The following MYO16 variants were observed in gnomAD, a reference collection of about 807,000 sequenced individuals.
MYO16 encodes myosin XVI, also known as unconventional myosin-XVI.
A neutral mutation model predicts 205.3 loss-of-function variants in MYO16; 94 were observed. The observed-to-expected ratio is 0.46, with a 90% CI of 0.39 to 0.54. The LOEUF is 0.54. Ranked by LOEUF, MYO16 falls within the 20% of genes least tolerant of loss-of-function variation. MYO16 has a pLI of 0.00. For synonymous variants in MYO16, 988 were observed against 954.0 expected (o/e 1.04, Z -0.66); for missense variants, 2,315 against 2,387.5 (o/e 0.97, Z 0.63).
chr13:108,980,155 A>G (rs1213312728), intron 20 of MYO16, among the ~76,000 whole-genome samples: 3 of 152,194 alleles, frequency 2.0e-5, no homozygotes, highest in African/African-American at 7.2e-5. Flanking sequence ...CTAATATGTT[A>G]TTACAAATAT....
chr13:109,089,750 G>A (rs537302549), intron 27 of MYO16, among the ~76,000 whole-genome samples: 41 of 152,326 alleles, frequency 2.7e-4, no homozygotes, highest in South Asian at 6.2e-4. Context: ...GTTGTGAGAA[G>A]TCAGTGATGA....
intron 7 of MYO16, among the ~76,000 whole-genome samples, chr13:108,819,868 AC>A (rs1875867718): frequency 6.6e-6 from 1 of 152,090 alleles, no homozygotes; most frequent in Non-Finnish European, 1.5e-5. Context: ...ATAATTCCTC[AC>A]ATAAGGAGTA....
intron 3 of MYO16, among the ~76,000 whole-genome samples, chr13:108,716,442 A>G (rs1157085958): frequency 2.0e-5 from 3 of 152,218 alleles, no homozygotes; most frequent in Non-Finnish European, 4.4e-5. Flanking sequence ...ATGAATCTGG[A>G]GGACGGATAA....
At chr13:108,856,704 C>T (rs1878192626) in intron 11 of MYO16, among the ~76,000 whole-genome samples, 1 of 151,896 alleles carries the variant, frequency 6.6e-6, no homozygotes, top group Non-Finnish European at 1.5e-5. Context: ...CTTTCTTTAC[C>T]CATTTGTGCC....
chr13:108,504,677 C>T, the MYO16 span, among the ~76,000 whole-genome samples: 4 of 151,206 alleles, frequency 2.6e-5, no homozygotes, highest in Admixed American at 6.6e-5. Flanking sequence ...CTGGGACTAC[C>T]GGCACACACC....
At chr13:108,856,637 T>C (rs1449244851) in intron 11 of MYO16, among the ~76,000 whole-genome samples, 1 of 137,816 alleles carries the variant, frequency 7.3e-6, no homozygotes, top group Non-Finnish European at 1.6e-5. Context: ...AGTATTGTGT[T>C]GATTTTTTTT....
intron 1 of MYO16, among the ~76,000 whole-genome samples, chr13:108,631,121 C>T (rs1477772924): frequency 6.6e-6 from 1 of 152,216 alleles, no homozygotes; most frequent in Admixed American, 6.5e-5. Context: ...GAAATAGACA[C>T]AGGGCAATAC....
At chr13:108,693,046 C>G (rs2139499407) in intron 2 of MYO16, among the ~76,000 whole-genome samples, 1 of 152,208 alleles carries the variant, frequency 6.6e-6, no homozygotes, top group African/African-American at 2.4e-5. Context: ...AAGTTGCTGT[C>G]TTTATACCTC....
the MYO16 span, among the ~76,000 whole-genome samples, chr13:108,522,755 GGTGTGTGTGTTTGT>G: frequency 9.0e-6 from 1 of 111,020 alleles, no homozygotes; most frequent in South Asian, 3.5e-4. Context: ...TACCATGTGG[GGTGTGTGTGTTTGT>G]GTGTGTGTGT....
At chr13:108,636,494 C>CTCA (rs1214163560) in intron 1 of MYO16, among the ~76,000 whole-genome samples, 1 of 151,152 alleles carries the variant, frequency 6.6e-6, no homozygotes, top group African/African-American at 2.4e-5. Flanking sequence ...ATTCTCCTGC[C>CTCA]TCAGCCTCCC....
At chr13:108,553,986 A>C in the MYO16 span, among the ~76,000 whole-genome samples, 1 of 152,016 alleles carries the variant, frequency 6.6e-6, no homozygotes, top group Non-Finnish European at 1.5e-5. Context: ...ACGCATCCTC[A>C]CCAATGCACT....
chr13:109,006,938 G>T (rs985875789), intron 21 of MYO16, among the ~76,000 whole-genome samples: 1 of 152,140 alleles, frequency 6.6e-6, no homozygotes, highest in Non-Finnish European at 1.5e-5. Context: ...TGGGGAGGAA[G>T]CAGCCAGTGA....
chr13:108,554,316 C>T, the MYO16 span, among the ~76,000 whole-genome samples: 1 of 152,010 alleles, frequency 6.6e-6, no homozygotes, highest in Non-Finnish European at 1.5e-5. Context: ...AACAGAAATC[C>T]AAGGTCAGCA....
chr13:108,660,875 T>C (rs1338851388), intron 1 of MYO16, among the ~76,000 whole-genome samples: 1 of 152,206 alleles, frequency 6.6e-6, no homozygotes. Flanking sequence ...AACTTGTATT[T>C]TTGTTTTATG....
At chr13:109,131,593 A>G (rs1876543744) in intron 31 of MYO16, among the ~76,000 whole-genome samples, 1 of 152,192 alleles carries the variant, frequency 6.6e-6, no homozygotes, top group African/African-American at 2.4e-5. Context: ...TTACATATGT[A>G]TGCATGTGCC....
At chr13:109,186,147 C>T (rs1879677603) in intron 34 of MYO16, among the ~76,000 whole-genome samples, 2 of 152,066 alleles carry the variant, frequency 1.3e-5, no homozygotes, top group Non-Finnish European at 1.5e-5. Context: ...GCCTAAGCAA[C>T]AGAGACCGTG....
At chr13:108,741,827 A>G (rs1485322420) in intron 4 of MYO16, among the ~76,000 whole-genome samples, 2 of 152,324 alleles carry the variant, frequency 1.3e-5, no homozygotes, top group East Asian at 1.9e-4. Flanking sequence ...GGGCCAAAAA[A>G]TGATGGGTTT....
chr13:108,964,645 TA>T (rs752607207), intron 19 of MYO16, 115 bp from the exon 20 acceptor site: 8 of 1,112,968 alleles, frequency 7.2e-6, no homozygotes, highest in Admixed American at 6.8e-5. Context: ...GTATAATTTT[TA>T]TACATCACTT....
At chr13:109,071,175 T>C (rs1887913492) in intron 27 of MYO16, among the ~76,000 whole-genome samples, 1 of 152,168 alleles carries the variant, frequency 6.6e-6, no homozygotes, top group Non-Finnish European at 1.5e-5. Flanking sequence ...TGCTAAAGAA[T>C]GAAAAGGATG....
Sources: gnomAD v4.1 joint callset for allele counts (sites outside exome capture counted in the v4.1 genomes callset) on GRCh38, gnomAD v4.1.1 for gene constraint, MANE v1.5 for transcripts, NCBI Gene and HGNC (gene_info 2026-07-23, HGNC 2026-07-21) for gene names.